ERGIC1: variants seen among roughly 807,000 people sequenced by gnomAD.
ERGIC1 encodes the protein endoplasmic reticulum-golgi intermediate compartment 1.
Under a neutral mutation model 38.3 loss-of-function variants are expected in ERGIC1, and 19 were observed. The observed-to-expected ratio is 0.50, with a 90% confidence interval of 0.35 to 0.73. The LOEUF is 0.73. Ranked by LOEUF, ERGIC1 falls within the 30% of genes least tolerant of loss-of-function variation. The pLI is 0.01. For synonymous variants in ERGIC1, 124 were observed against 157.6 expected, an observed-to-expected ratio of 0.79 and a Z score of 1.60; for missense variants, 294 against 389.2, an observed-to-expected ratio of 0.76 and a Z score of 2.06.
chr5:172,836,692 GT>G (rs1489891094), intron 1 of ERGIC1, among the ~76,000 whole-genome samples: 1 of 152,190 alleles, frequency 6.6e-6, no homozygotes, highest in Non-Finnish European at 1.5e-5. Flanking sequence ...AGGCCCCACC[GT>G]GAGGAGGTGG....
chr5:172,888,670 C>A, intron 1 of ERGIC1, 29 bp from the exon 2 acceptor site: 1 of 1,607,246 alleles, frequency 6.2e-7, no homozygotes, highest in East Asian at 2.2e-5. Flanking sequence ...TTGTGCCCAC[C>A]TCACTCCTGT....
At position 172,951,693 on chromosome 5, in the gene ERGIC1, G is replaced by C. The variant is rs1413385869; in HGVS notation, c.*877G>C. The C allele has an allele frequency of 1.3e-5, 2 of 152,256 alleles. No individual in the cohort carries two copies. The highest frequency in any genetic ancestry group is 4.8e-5 in the African/African-American group (2 of 41,448). 9.4% of individuals were successfully genotyped at this position (152,256 alleles called of 1,614,324 possible). The stretch of plus-strand genomic sequence containing the variant: ...CAGGGAGTGGGGGTTGTGTAAAGGG[G>C]AAGTCATCTTTTGAGATCCAGATAG... On this transcript the variant is annotated 3_prime_UTR_variant, in exon 10 of 10. Transcript: ENST00000393784.
chr5:172,899,379 G>T (rs1029532940), intron 3 of ERGIC1, among the ~76,000 whole-genome samples: 2 of 145,154 alleles, frequency 1.4e-5, no homozygotes, highest in East Asian at 2.0e-4. Flanking sequence ...GTGCAGTGGC[G>T]TGATCTCGGC....
intron 4 of ERGIC1, among the ~76,000 whole-genome samples, chr5:172,912,112 G>A (rs1311999754): frequency 4.1e-5 from 6 of 147,742 alleles, no homozygotes; most frequent in Non-Finnish European, 3.0e-5. Context: ...TCTTGGAGCT[G>A]TTCTCATATT....
intron 1 of ERGIC1, among the ~76,000 whole-genome samples, chr5:172,845,043 T>TG (rs1561698757): frequency 2.5e-4 from 17 of 69,286 alleles, no homozygotes; most frequent in Admixed American, 1.2e-3. Flanking sequence ...CAGGGGTATA[T>TG]AGGGGGGACA....
chr5:172,842,479 A>G (rs1761184205), intron 1 of ERGIC1, among the ~76,000 whole-genome samples: 1 of 152,220 alleles, frequency 6.6e-6, no homozygotes, highest in South Asian at 2.1e-4. Context: ...TGCAGTGAGC[A>G]TGGGAGTGCA....
chr5:172,884,244 GTTTTTTTTTTTT>G (rs71579704), intron 1 of ERGIC1, among the ~76,000 whole-genome samples: 1 of 90,620 alleles, frequency 1.1e-5, no homozygotes, highest in Non-Finnish European at 2.2e-5. Flanking sequence ...GGAACCCCAA[GTTTTTTTTTTTT>G]TTTTTTTTTT....
Position 172,866,378 on chromosome 5 carries a change from G to A in ERGIC1, c.21-22321G>A, listed in dbSNP as rs375292404. Among the ~76,000 whole-genome samples, 101 of 152,304 alleles carry A rather than the reference G, an allele frequency of 6.6e-4. 2 individuals are homozygous for A. The highest frequency in any genetic ancestry group is 1.9e-3 in the African/African-American group (81 of 41,580). On this transcript the variant is annotated intron_variant, in intron 1 of 9. Transcript: ENST00000393784. ...ATCTTGGACCTATGGGGAATGCACCGTGCCCCTCTTTCTGGCCTAATTTCC... is the reference window on the plus strand; with the variant it reads ...ATCTTGGACCTATGGGGAATGCACCATGCCCCTCTTTCTGGCCTAATTTCC...
intron 1 of ERGIC1, among the ~76,000 whole-genome samples, chr5:172,845,551 T>G (rs115233101): frequency 0.011 from 1,748 of 152,310 alleles, 33 homozygotes; most frequent in African/African-American, 0.04. Flanking sequence ...TTCTAGAAGC[T>G]GGGGACATAG....
chr5:172,871,891 G>C (rs17075351), intron 1 of ERGIC1, among the ~76,000 whole-genome samples: 1 of 152,280 alleles, frequency 6.6e-6, no homozygotes, highest in East Asian at 1.9e-4. Flanking sequence ...GAGATGTGCC[G>C]AAGTGGAAGT....
At chr5:172,902,715 C>G (rs957982583) in intron 3 of ERGIC1, among the ~76,000 whole-genome samples, 2 of 152,148 alleles carry the variant, frequency 1.3e-5, no homozygotes, top group African/African-American at 4.8e-5. Context: ...GGATTTGAAA[C>G]TCAAGGCTCC....
intron 7 of ERGIC1, among the ~76,000 whole-genome samples, chr5:172,930,152 C>T (rs1305217402): frequency 6.7e-6 from 1 of 148,216 alleles, no homozygotes; most frequent in African/African-American, 2.5e-5. Flanking sequence ...CGTGCCACTG[C>T]ACTCCAGCCT....
At chr5:172,850,399 A>G (rs1761375166) in intron 1 of ERGIC1, among the ~76,000 whole-genome samples, 3 of 149,556 alleles carry the variant, frequency 2.0e-5, no homozygotes, top group Admixed American at 1.3e-4. Flanking sequence ...TCACCAGAGC[A>G]TGACAAGTCA....
At chr5:172,883,508 T>C (rs1045573000) in intron 1 of ERGIC1, among the ~76,000 whole-genome samples, 1 of 152,234 alleles carries the variant, frequency 6.6e-6, no homozygotes, top group African/African-American at 2.4e-5. Context: ...GTTTTGTTTT[T>C]TTGTAGACTG....
rs535968150 is a variant in ERGIC1, at chr5:172,932,367, G to C, written c.542-69G>C. ...GCCCAGGGAATTTAGGCTTAGGATT[G>C]AAATGACATAGAGCTGTCAGCGGGC... On this transcript the variant is annotated intron_variant, in intron 7 of 9. Coordinates refer to ENST00000393784, the MANE Select transcript of ERGIC1 (RefSeq NM_001031711.3). 1.6e-4 allele frequency: 242 copies of C among 1,527,100 alleles called. 4 individuals carry two copies. In the South Asian group the frequency reaches 2.0e-3, roughly 12 times the overall value. 94.6% of individuals were successfully genotyped at this position (1,527,100 alleles called of 1,614,324 possible). A position where few individuals can be genotyped will look rare whatever the true frequency, so the allele number is the denominator to read the frequency against.
intron 1 of ERGIC1, among the ~76,000 whole-genome samples, chr5:172,874,203 C>T (rs1762087726): frequency 6.6e-6 from 1 of 152,160 alleles, no homozygotes; most frequent in Admixed American, 6.5e-5. Flanking sequence ...CTCAGCCTCC[C>T]AAGTAGCTGG....
Position 172,897,081 on chromosome 5 carries a change from C to A in ERGIC1, c.155+7C>A. The stretch of plus-strand genomic sequence containing the variant: ...GATTTATAACGACAGAAGTGTAAGT[C>A]ATACTTTCCCGATGGGGCATTCCAG... On this transcript the variant is annotated splice_region_variant and intron_variant, in intron 3 of 9. Coordinates refer to ENST00000393784, the MANE Select transcript of ERGIC1 (RefSeq NM_001031711.3). 1 of 1,613,358 alleles carries A rather than the reference C, an allele frequency of 6.2e-7. No individual in the cohort carries two copies. Among genetic ancestry groups the A allele is most frequent in the Non-Finnish European group, 8.5e-7 (1 of 1,179,338 alleles).
At chr5:172,862,567 C>T (rs1761742367) in intron 1 of ERGIC1, among the ~76,000 whole-genome samples, 1 of 152,202 alleles carries the variant, frequency 6.6e-6, no homozygotes, top group African/African-American at 2.4e-5. Flanking sequence ...CTTGACTTTT[C>T]TCTTCCTGAA....
At chr5:172,928,726 A>T (rs1284030113) in intron 7 of ERGIC1, among the ~76,000 whole-genome samples, 2 of 152,132 alleles carry the variant, frequency 1.3e-5, no homozygotes, top group African/African-American at 4.8e-5. Context: ...CTCCTGCCAG[A>T]TGGTGGTGGA....
Sources: allele counts gnomAD v4.1 joint callset (sites outside exome capture counted in the v4.1 genomes callset), GRCh38; gene constraint gnomAD v4.1.1; transcripts MANE v1.5; gene names NCBI Gene and HGNC (gene_info 2026-07-23, HGNC 2026-07-21).